The following METTL15 variants were observed in gnomAD, a reference collection of about 807,000 sequenced individuals.
The protein encoded by METTL15 is methyltransferase 15, mitochondrial 12S rRNA N4-cytidine.
A neutral mutation model predicts 38.3 loss-of-function variants in METTL15; 34 were observed. The ratio of observed to expected loss-of-function variants is 0.89; its 90% CI spans 0.68 to 1.18. METTL15 has a LOEUF of 1.18. Among genes scored for constraint, METTL15 ranks in the 50% most tolerant of loss-of-function variants. The probability of loss-of-function intolerance (pLI) is 0.00; values close to 1 mark genes in which losing one functional copy is unlikely to be tolerated. For missense variants in METTL15, 438 were observed against 498.4 expected, an observed-to-expected ratio of 0.88 and a Z score of 1.15; for synonymous variants, 162 against 170.9, an observed-to-expected ratio of 0.95 and a Z score of 0.41.
chr11:28,259,375 G>A (rs1005437628), intron 4 of METTL15, among the ~76,000 whole-genome samples: 5 of 152,022 alleles, frequency 3.3e-5, no homozygotes, highest in Admixed American at 1.3e-4. Flanking sequence ...TCCCTTAGCC[G>A]CCCCGGCCTG....
intron 6 of METTL15, among the ~76,000 whole-genome samples, chr11:28,513,039 G>T (rs1478540519): frequency 6.6e-6 from 1 of 152,188 alleles, no homozygotes; most frequent in Non-Finnish European, 1.5e-5. Flanking sequence ...CATGTAAGTG[G>T]ACTTGCATAG....
At chr11:28,334,127 A>T (rs114514665), downstream of METTL15, among the ~76,000 whole-genome samples, 596 of 152,086 alleles carry the variant, frequency 3.9e-3, 6 homozygotes, top group African/African-American at 0.014. Context: ...GTATATTAGA[A>T]GCTAACTGTT....
chr11:28,207,304 A>T (rs936766627), intron 3 of METTL15, among the ~76,000 whole-genome samples: 51 of 152,022 alleles, frequency 3.4e-4, no homozygotes, highest in Non-Finnish European at 5.7e-4. Context: ...ATTTATTGAG[A>T]GTTTTTAGCA....
chr11:28,200,133 A>G (rs1852056196), intron 3 of METTL15, among the ~76,000 whole-genome samples: 1 of 151,986 alleles, frequency 6.6e-6, no homozygotes, highest in African/African-American at 2.4e-5. Flanking sequence ...TCACTTCTCT[A>G]CTCACCACAT....
chr11:28,430,873 C>T (rs1275403248), intron 6 of METTL15, among the ~76,000 whole-genome samples: 9 of 112,298 alleles, frequency 8.0e-5, no homozygotes, highest in Admixed American at 1.7e-4. Flanking sequence ...GCCCCCCGCC[C>T]GGCCAGCCGC....
At chr11:28,469,634 C>T (rs571294058) in intron 6 of METTL15, among the ~76,000 whole-genome samples, 28 of 152,048 alleles carry the variant, frequency 1.8e-4, no homozygotes, top group Non-Finnish European at 4.0e-4. Context: ...ATGATAACAA[C>T]CTCTTCATTA....
intron 4 of METTL15, among the ~76,000 whole-genome samples, chr11:28,359,100 G>A (rs952712051): frequency 1.3e-5 from 2 of 152,080 alleles, no homozygotes; most frequent in Admixed American, 1.3e-4. Flanking sequence ...CCCTACTCTA[G>A]TAGTCCCCAG....
In METTL15 at chr11:28,161,928, A is replaced by C. The variant is rs189242976; in HGVS notation, c.270+48324A>C. On this transcript the variant is annotated intron_variant, in intron 3 of 6. Transcript: ENST00000407364. ...TCACTTACAGAGCAGGAATTATTGA[A>C]GCCATTAGATTAGATGATACTGCAA... is the stretch of plus-strand genomic sequence containing the variant. 8.9e-4 allele frequency among the ~76,000 whole-genome samples: 136 copies of C among 152,264 alleles called. 1 individual carries two copies. The highest frequency in any genetic ancestry group is 3.2e-3 in the African/African-American group (135 of 41,560).
rs568924432 is a variant in METTL15 at position 28,162,147 on chromosome 11, A to G, written c.270+48543A>G. Among the ~76,000 whole-genome samples the G allele has an allele frequency of 2.1e-3, 317 of 152,226 alleles. 1 individual carries two copies. Among genetic ancestry groups the G allele is most frequent in the African/African-American group, 7.5e-3 (312 of 41,550 alleles). ...ACTGCTGACACACCAAGACGTTGCC[A>G]TAGTTCAGACAACTTAGCTAGTAGT... On this transcript the variant is annotated intron_variant, in intron 3 of 6. Coordinates refer to ENST00000407364, the MANE Select transcript of METTL15 (RefSeq NM_001113528.2).
At chr11:28,178,519 A>G (rs775210247) in intron 3 of METTL15, among the ~76,000 whole-genome samples, 1 of 151,528 alleles carries the variant, frequency 6.6e-6, no homozygotes, top group Non-Finnish European at 1.5e-5. Context: ...GAAAATATCT[A>G]CCAGTTGACA....
intron 3 of METTL15, among the ~76,000 whole-genome samples, chr11:28,150,230 T>C (rs996708208): frequency 6.6e-6 from 1 of 152,034 alleles, no homozygotes; most frequent in Non-Finnish European, 1.5e-5. Context: ...TTATTAGTTA[T>C]ACTACACTAG....
intron 1 of METTL15, among the ~76,000 whole-genome samples, chr11:28,109,110 C>T (rs560707015): frequency 5.8e-4 from 89 of 152,272 alleles, no homozygotes; most frequent in African/African-American, 2.0e-3. Context: ...AATAGGATGA[C>T]TCATACCCAT....
At chr11:28,448,490 CTA>C (rs1265938037) in intron 6 of METTL15, among the ~76,000 whole-genome samples, 3 of 152,172 alleles carry the variant, frequency 2.0e-5, no homozygotes, top group African/African-American at 7.2e-5. Context: ...TGAGAGATTG[CTA>C]TGTTTGGGCT....
intron 5 of METTL15, among the ~76,000 whole-genome samples, chr11:28,423,757 A>G (rs1850841186): frequency 6.6e-6 from 1 of 152,030 alleles, no homozygotes; most frequent in Non-Finnish European, 1.5e-5. Context: ...GGGCCAAAAA[A>G]ATAGTTGGAA....
chr11:28,161,869 A>G (rs998713847), intron 3 of METTL15, among the ~76,000 whole-genome samples: 1 of 152,152 alleles, frequency 6.6e-6, no homozygotes, highest in African/African-American at 2.4e-5. Flanking sequence ...ACAATTTCAG[A>G]TAAGGTTATG....
intron 3 of METTL15, among the ~76,000 whole-genome samples, chr11:28,144,337 A>G (rs779673896): frequency 3.3e-5 from 5 of 152,144 alleles, no homozygotes; most frequent in Non-Finnish European, 7.4e-5. Context: ...TAATACCTAT[A>G]AAAAGTTTGG....
At chr11:28,327,334 C>T (rs1286345034) in intron 6 of METTL15, among the ~76,000 whole-genome samples, 3 of 152,210 alleles carry the variant, frequency 2.0e-5, no homozygotes, top group Admixed American at 6.5e-5. Flanking sequence ...ATCTTTAAGA[C>T]CATCTATTCC....
At chr11:28,227,039 C>T (rs999757900) in intron 4 of METTL15, among the ~76,000 whole-genome samples, 4 of 151,860 alleles carry the variant, frequency 2.6e-5, no homozygotes, top group African/African-American at 9.7e-5. Flanking sequence ...TATTTTGCCC[C>T]ATTTAATATT....
chr11:28,135,486 G>A (rs755892542), intron 3 of METTL15, among the ~76,000 whole-genome samples: 10 of 152,198 alleles, frequency 6.6e-5, no homozygotes, highest in Non-Finnish European at 1.2e-4. Context: ...CCACAGGTTA[G>A]TAACCCTTTA....
Sources: allele counts gnomAD v4.1 joint callset (sites outside exome capture counted in the v4.1 genomes callset), GRCh38; gene constraint gnomAD v4.1.1; transcripts MANE v1.5; gene names NCBI Gene and HGNC (gene_info 2026-07-23, HGNC 2026-07-21).